The following AHNAK2 variants were observed in gnomAD, a reference collection of about 807,000 sequenced individuals.
AHNAK2 encodes the protein AHNAK nucleoprotein 2.
Under a neutral mutation model 30.7 loss-of-function variants are expected in AHNAK2, and 18 were observed. That is an observed-to-expected ratio of 0.59 (90% CI 0.41 to 0.87). The LOEUF (loss-of-function observed/expected upper bound fraction) is 0.87, where lower values mean the gene tolerates loss of function less well. AHNAK2 is among the 40% of genes least tolerant of loss of function. AHNAK2 has a pLI of 0.00. For missense variants in AHNAK2, 8,604 were observed against 7,373.0 expected (o/e 1.17, Z -6.11); for synonymous variants, 3,590 against 3,073.8 (o/e 1.17, Z -5.56).
In AHNAK2 at chr14:104,943,948, C is replaced by A; in HGVS notation, c.11503G>T (p.Ala3835Ser). 1 of 1,612,888 alleles carries A rather than the reference C, an allele frequency of 6.2e-7. No individual in the cohort carries two copies. Among genetic ancestry groups the A allele is most frequent in the Non-Finnish European group, 8.5e-7 (1 of 1,179,532 alleles). ...TGCATGGAGGGGAGACTCACATCGG[C>A]CTCCACCTTGGGTGCAGACACGTGC... ...SVHVSAPKVE[A>S]DVSLPSMQGD... The change falls in exon 7 of 7, where the codon GCC (alanine) becomes TCC (serine). Residue 3835 changes from alanine to serine, a missense_variant. Physicochemically the swap from Ala to Ser is moderately conservative, Grantham distance 99. Transcript: ENST00000333244.
In AHNAK2 at chr14:104,943,652, G is replaced by T. The variant is rs1400631089; in HGVS notation, c.11799C>A (p.Ser3933Arg). Residue 3933 changes from serine to arginine, a missense_variant, in exon 7 of 7, where the codon AGC becomes AGA. Ser to Arg is a moderately radical substitution (Grantham distance 110). Transcript: ENST00000333244. The stretch of plus-strand genomic sequence containing the variant: ...CTGGGGCCTCGACGTCCACCTCCAC[G>T]CTGGGCAGAGAAACCTCCACATCAG... ...TAPDVEVSLP[S>R]VEVDVEAPGA... 4 of 1,613,038 alleles carry T rather than the reference G, an allele frequency of 2.5e-6. No individual in the cohort carries two copies. Among genetic ancestry groups the T allele is most frequent in the Non-Finnish European group, 3.4e-6 (4 of 1,179,656 alleles).
chr14:104,969,473 C>T (rs895170820), intron 1 of AHNAK2, among the ~76,000 whole-genome samples: 14 of 152,362 alleles, frequency 9.2e-5, no homozygotes, highest in African/African-American at 3.4e-4. Flanking sequence ...ACAGACTGAG[C>T]TTGGCCACCC....
rs768698410 is a variant in AHNAK2 at position 104,956,668 on chromosome 14, C to T, written c.235G>A (p.Gly79Ser). 12 of 1,613,730 alleles carry T rather than the reference C, an allele frequency of 7.4e-6. No individual in the cohort carries two copies. The highest frequency in any genetic ancestry group is 1.3e-5 in the African/African-American group (1 of 74,946). Residue 79 changes from glycine (G) to serine (S), a missense_variant, in exon 4 of 7, where the codon GGT becomes AGT. Transcript: ENST00000333244. ...GLQEDAPGRQ[G>S]SAGRRRSWWK... Reference sequence around the variant, plus strand: ...CAGGATCTCCGTCTCCCAGCAGAACCTTGCCTGCCGGGGGCGTCTTCCTGC... The same window carrying T: ...CAGGATCTCCGTCTCCCAGCAGAACTTTGCCTGCCGGGGGCGTCTTCCTGC...
chr14:104,968,974 C>T (rs544650473), intron 1 of AHNAK2, among the ~76,000 whole-genome samples: 5 of 152,322 alleles, frequency 3.3e-5, no homozygotes, highest in East Asian at 1.9e-4. Context: ...CACACACAGC[C>T]GGCCGCACTT....
intron 1 of AHNAK2, among the ~76,000 whole-genome samples, chr14:104,958,688 G>A (rs1899048272): frequency 6.6e-6 from 1 of 152,104 alleles, no homozygotes; most frequent in Non-Finnish European, 1.5e-5. Context: ...TTTGAAGAAC[G>A]GGGTCAGGGG....
chr14:104,938,979 G>C lies in AHNAK2; in HGVS notation c.16472C>G (p.Ser5491Ter). Residue 5491 changes from serine (S) to a stop codon, truncating the protein, a stop_gained, in exon 7 of 7, where the codon TCA becomes TGA. Transcript: ENST00000333244. LOFTEE classifies it low-confidence loss of function (END_TRUNC). ...SIVTPEFVDL[S>*]VPRTFSTQIV... ...CTGAGTGGAAAAAGTCCTGGGTACTGAGAGATCTACAAACTCTGGTGTCAC... is the reference window on the plus strand; with the variant it reads ...CTGAGTGGAAAAAGTCCTGGGTACTCAGAGATCTACAAACTCTGGTGTCAC... 6.2e-7 allele frequency: 1 copy of C among 1,612,070 alleles called. No homozygotes were observed. The highest frequency in any genetic ancestry group is 8.5e-7 in the Non-Finnish European group (1 of 1,179,378).
In AHNAK2 at chr14:104,944,094, T is replaced by C; in HGVS notation, c.11357A>G (p.Glu3786Gly). The change falls in exon 7 of 7, where the codon GAG becomes GGG. Residue 3786 changes from glutamate to glycine, a missense_variant. By Grantham distance (98) the Glu-to-Gly change is moderately conservative (BLOSUM62 -2). Transcript: ENST00000333244. Reference protein sequence around the residue: ...PRAKLDSAQLEGDLSLADKDV... With the variant: ...PRAKLDSAQLGGDLSLADKDV... ...CTTGTCGGCCAGGGACAGGTCCCCC[T>C]CCAGCTGTGCACTATCCAGTTTGGC... 1 of 1,613,320 alleles carries C rather than the reference T, an allele frequency of 6.2e-7. No individual in the cohort carries two copies. The highest frequency in any genetic ancestry group is 8.5e-7 in the Non-Finnish European group (1 of 1,179,670).
intron 1 of AHNAK2, among the ~76,000 whole-genome samples, chr14:104,965,607 T>G (rs1899280909): frequency 2.0e-5 from 3 of 152,106 alleles, no homozygotes; most frequent in Admixed American, 2.0e-4. Flanking sequence ...AAGGAGGGTC[T>G]CAGAACTAAG....
chr14:104,940,350 G>A lies in AHNAK2; in HGVS notation c.15101C>T (p.Ser5034Phe), dbSNP rs1230436482. Reference sequence around the variant, plus strand: ...CTGTGGCAGGCTGACCCCACTCTTAGAAGCCTTCATTTTGGGAAGTGCAAG... The same window carrying A: ...CTGTGGCAGGCTGACCCCACTCTTAAAAGCCTTCATTTTGGGAAGTGCAAG... ...PKLALPKMKA[S>F]KSGVSLPQRD... The change falls in exon 7 of 7, where the codon TCT (serine) becomes TTT (phenylalanine). Residue 5034 changes from serine (S) to phenylalanine (F), a missense_variant. Transcript: ENST00000333244. The surrounding 1 kb of genome is among the most constrained non-coding windows in gnomAD (Gnocchi z 4.4). The A allele has an allele frequency of 3.1e-6, 5 of 1,613,556 alleles. No homozygotes were observed. The East Asian group carries it at 1.1e-4, about 36-fold the overall frequency.
Position 104,953,676 on chromosome 14 carries a change from C to T in AHNAK2, c.1775G>A (p.Trp592Ter), listed in dbSNP as rs777446515. ...TGTCTTTGTGTGCTTGCTTGGCGAC[C>T]ATCCTAAGGAGGGTATCTTGAACTT... is the stretch of plus-strand genomic sequence containing the variant. ...MPKFKIPSLGWSPSKHTKTGR... is the reference protein window; with the variant it reads ...MPKFKIPSLG Residue 592 changes from tryptophan to a stop codon, truncating the protein, a stop_gained, in exon 7 of 7, where the codon TGG (tryptophan) becomes TAG (stop). Coordinates refer to ENST00000333244, the MANE Select transcript of AHNAK2 (RefSeq NM_138420.4). LOFTEE classifies it low-confidence loss of function (END_TRUNC). The T allele has an allele frequency of 1.9e-6, 3 of 1,613,818 alleles. No individual in the cohort carries two copies. Among genetic ancestry groups the T allele is most frequent in the South Asian group, 2.2e-5 (2 of 91,072 alleles).
In AHNAK2 at chr14:104,953,082, G is replaced by C; in HGVS notation, c.2369C>G (p.Pro790Arg). 1.9e-6 allele frequency: 3 copies of C among 1,613,242 alleles called. 1 individual carries two copies. Among genetic ancestry groups the C allele is most frequent in the South Asian group, 2.2e-5 (2 of 91,058 alleles). ...GCTGGACAGAGACATCTTCACATCG[G>C]GGGCTGTCACTTCCGCCTTGGGGCC... Reference protein sequence around the residue: ...LKGPKAEVTAPDVKMSLSSME... With the variant: ...LKGPKAEVTARDVKMSLSSME... Residue 790 changes from proline (P) to arginine (R), a missense_variant, in exon 7 of 7, where the codon CCC becomes CGC. Pro to Arg is a moderately radical substitution (Grantham distance 103, BLOSUM62 -2). Coordinates refer to ENST00000333244, the MANE Select transcript of AHNAK2 (RefSeq NM_138420.4).
rs185981830 is a variant in AHNAK2 at position 104,952,130 on chromosome 14, C to T, written c.3321G>A (p.Lys1107=). ...CCGCCTTGGGGCTTTTCAGGTCCAG[C>T]TTGGGGCCCTTGACGTCCACCTGGG... is the stretch of plus-strand genomic sequence containing the variant. The part of the protein sequence containing the change: ...KGPQVDVKGP[K]LDLKSPKAEV... Residue 1107 remains lysine, a synonymous_variant, in exon 7 of 7, where the codon AAG becomes AAA. Coordinates refer to ENST00000333244, the MANE Select transcript of AHNAK2 (RefSeq NM_138420.4). The T allele has an allele frequency of 6.6e-3, 10,590 of 1,612,680 alleles. 83 individuals are homozygous for T. The highest frequency in any genetic ancestry group is 8.0e-3 in the Non-Finnish European group (9,390 of 1,179,670).
In AHNAK2 at chr14:104,948,899, C is replaced by G. The variant is rs371142129; in HGVS notation, c.6552G>C (p.Glu2184Asp). The G allele has an allele frequency of 1.2e-5, 20 of 1,603,622 alleles. No homozygotes were observed. The South Asian group carries it at 2.0e-4, about 16-fold the overall frequency. The change falls in exon 7 of 7, where the codon GAG (glutamate) becomes GAC (aspartate). Residue 2184 changes from glutamate to aspartate, a missense_variant. Glu to Asp is a conservative substitution (Grantham distance 45, BLOSUM62 2). Transcript: ENST00000333244. Reference protein sequence around the residue: ...ASVDVSPPKVEADMSLPSMQG... With the variant: ...ASVDVSPPKVDADMSLPSMQG... ...GCATGGAGGGGAGACTCATGTCGGCCTCCACCTTGGGTGGAGACACATCCA... is the reference window on the plus strand; with the variant it reads ...GCATGGAGGGGAGACTCATGTCGGCGTCCACCTTGGGTGGAGACACATCCA...
rs746065918 is a variant in AHNAK2, at chr14:104,941,564, T to C, written c.13887A>G (p.Gln4629=). 3 of 1,613,062 alleles carry C rather than the reference T, an allele frequency of 1.9e-6. No homozygotes were observed. The highest frequency in any genetic ancestry group is 2.7e-5 in the African/African-American group (2 of 74,932). The change falls in exon 7 of 7, where the codon CAA becomes CAG. Residue 4629 remains glutamine, a synonymous_variant. Transcript: ENST00000333244. ...AACCAGACGTGCTCAGTTTTGGTCCTTGAAACTTACTGTCTTTCCCAGCTA... is the reference window on the plus strand; with the variant it reads ...AACCAGACGTGCTCAGTTTTGGTCCCTGAAACTTACTGTCTTTCCCAGCTA... The part of the protein sequence containing the change: ...EDVAGKDSKF[Q]GPKLSTSGFE...
chr14:104,948,162 A>C lies in AHNAK2; in HGVS notation c.7289T>G (p.Leu2430Arg). The change falls in exon 7 of 7, where the codon CTG (leucine) becomes CGG (arginine). Residue 2430 changes from leucine (L) to arginine (R), a missense_variant. Transcript: ENST00000333244. ...QIDVKGPKLD[L>R]KGPKTDVMAP... The stretch of plus-strand genomic sequence containing the variant: ...CATCACGTCCGTCTTGGGGCCTTTC[A>C]GGTCCAGCTTGGGGCCCTTGACATC... The C allele has an allele frequency of 3.7e-6, 6 of 1,612,368 alleles. No homozygotes were observed. Among genetic ancestry groups the C allele is most frequent in the Non-Finnish European group, 5.1e-6 (6 of 1,179,522 alleles).
In AHNAK2 at chr14:104,947,178, A is replaced by T. The variant is rs777892429; in HGVS notation, c.8273T>A (p.Val2758Glu). Reference protein sequence around the residue: ...GPQIDVKGPNVDLKGPKAEVT... With the variant: ...GPQIDVKGPNEDLKGPKAEVT... ...TTCCGCCTTGGGGCCTTTCAGGTCC[A>T]CGTTGGGGCCCTTAACATCTATCTG... The change falls in exon 7 of 7, where the codon GTG becomes GAG. Residue 2758 changes from valine to glutamate, a missense_variant. Val to Glu is a moderately radical substitution (Grantham distance 121). Coordinates refer to ENST00000333244, the MANE Select transcript of AHNAK2 (RefSeq NM_138420.4). The T allele has an allele frequency of 2.5e-6, 4 of 1,611,824 alleles. No individual in the cohort carries two copies. In the African/African-American group the frequency reaches 5.4e-5, roughly 22 times the overall value.
chr14:104,961,196 GAC>G (rs1446647419), intron 1 of AHNAK2, among the ~76,000 whole-genome samples: 1 of 151,512 alleles, frequency 6.6e-6, no homozygotes, highest in East Asian at 2.0e-4. Flanking sequence ...TAAAGCATAT[GAC>G]AGGATGGGGA....
At position 104,949,631 on chromosome 14, in the gene AHNAK2, C is replaced by T. The variant is rs199585056; in HGVS notation, c.5820G>A (p.Ala1940=). 1,573 of 1,589,046 alleles carry T rather than the reference C, an allele frequency of 9.9e-4. 159 individuals are homozygous for T. Among genetic ancestry groups the T allele is most frequent in the Middle Eastern group, 1.7e-3 (10 of 6,042 alleles). ...CCTCGACATCGGGGGCTGTCACTTC[C>T]GCCTTGGGGCCTTTCAGGTCCAGCT... ...GAKLDLKGPK[A]EVTAPDVEVS... The change falls in exon 7 of 7, where the codon GCG becomes GCA. Residue 1940 remains alanine, a synonymous_variant. Transcript: ENST00000333244.
In AHNAK2 at chr14:104,938,007, C is replaced by G; in HGVS notation, c.*56G>C. 6.4e-7 allele frequency: 1 copy of G among 1,558,506 alleles called. No homozygotes were observed. Among genetic ancestry groups the G allele is most frequent in the Non-Finnish European group, 8.7e-7 (1 of 1,148,396 alleles). The stretch of plus-strand genomic sequence containing the variant: ...TGGGGTGCTCCATATGTGTGTGTAG[C>G]CTTTACTTTCCAACTTAGTTTTTTG... On this transcript the variant is annotated 3_prime_UTR_variant, in exon 7 of 7. Transcript: ENST00000333244.
Sources: allele counts gnomAD v4.1 joint callset (sites outside exome capture counted in the v4.1 genomes callset), GRCh38; gene constraint gnomAD v4.1.1; non-coding constraint Gnocchi (gnomAD v3.1); transcripts MANE v1.5; gene names NCBI Gene and HGNC (gene_info 2026-07-23, HGNC 2026-07-21).